Variants in APELA observed in about 807,000 individuals in gnomAD.
The protein encoded by APELA is protein Elabela.
chr4:164,886,998 T>C (rs576956998), intron 2 of APELA, among the ~76,000 whole-genome samples: 2 of 152,102 alleles, frequency 1.3e-5, no homozygotes, highest in South Asian at 4.1e-4. Flanking sequence ...GCTAATTTTT[T>C]TGTATTTTTA....
intron 1 of APELA, among the ~76,000 whole-genome samples, chr4:164,878,607 A>G (rs559045917): frequency 6.6e-6 from 1 of 152,340 alleles, no homozygotes; most frequent in Admixed American, 6.5e-5. Flanking sequence ...TTACTACATA[A>G]AATAAAAGGT....
chr4:164,898,111 G>A (rs892546464), downstream of APELA, among the ~76,000 whole-genome samples: 10 of 151,774 alleles, frequency 6.6e-5, 1 homozygote, highest in South Asian at 6.2e-4. Flanking sequence ...GGCCGGTCCC[G>A]AACTCCTGAC....
intron 2 of APELA, among the ~76,000 whole-genome samples, chr4:164,889,658 G>A (rs1022999859): frequency 1.3e-5 from 2 of 152,042 alleles, no homozygotes; most frequent in Non-Finnish European, 2.9e-5. Flanking sequence ...CCTATCAACC[G>A]TCACCTAGGC....
chr4:164,894,049 G>C (rs565261069), intron 2 of APELA, among the ~76,000 whole-genome samples: 1 of 152,040 alleles, frequency 6.6e-6, no homozygotes, highest in Non-Finnish European at 1.5e-5. Context: ...TTGGCCGGGC[G>C]TGGTGGCTCA....
At chr4:164,878,169 G>GAGAAAGAAAGAAAGAAAGAAACAGAAAAA (rs1560855955) in intron 1 of APELA, among the ~76,000 whole-genome samples, 2 of 83,528 alleles carry the variant, frequency 2.4e-5, no homozygotes, top group East Asian at 7.8e-4. Flanking sequence ...GAAAAGAAGA[G>GAGAAAGAAAGAAAGAAAGAAACAGAAAAA]AGAAAGAAAG....
chr4:164,880,865 A>C (rs1464250382), intron 2 of APELA, among the ~76,000 whole-genome samples: 2 of 152,238 alleles, frequency 1.3e-5, no homozygotes, highest in Non-Finnish European at 2.9e-5. Flanking sequence ...AATTAAAGCT[A>C]TGCAAACTAC....
At chr4:164,885,151 G>A (rs916244611) in intron 2 of APELA, among the ~76,000 whole-genome samples, 5 of 152,022 alleles carry the variant, frequency 3.3e-5, no homozygotes, top group African/African-American at 4.8e-5. Context: ...TTGTTTTTGA[G>A]ACAGAGTCTT....
chr4:164,893,625 T>G (rs534309142), intron 2 of APELA, among the ~76,000 whole-genome samples: 31 of 152,314 alleles, frequency 2.0e-4, no homozygotes, highest in African/African-American at 6.7e-4. Context: ...GTATATTCGC[T>G]TCAGCTCTCT....
rs1730964781 is a variant in APELA at position 164,895,847 on chromosome 4, T to C, written c.*433T>C. 2 of 152,260 alleles carry C rather than the reference T, an allele frequency of 1.3e-5. No homozygotes were observed. Among genetic ancestry groups the C allele is most frequent in the Non-Finnish European group, 2.9e-5 (2 of 68,042 alleles). The allele number at this position is 152,260 out of a possible 1,614,324, so 9.4% of individuals were successfully genotyped here. A position where few individuals can be genotyped will look rare whatever the true frequency, so the allele number is the denominator to read the frequency against. On this transcript the variant is annotated 3_prime_UTR_variant, in exon 3 of 3. Transcript: ENST00000507152. ...AAATTCGTATATGTTTGAGTGATTT[T>C]CTAAAAACTGCTCAACCTGAAATCA...
intron 2 of APELA, among the ~76,000 whole-genome samples, chr4:164,890,446 C>G (rs765519803): frequency 3.6e-4 from 55 of 152,198 alleles, no homozygotes; most frequent in Non-Finnish European, 1.2e-4. Context: ...AACCTACTTT[C>G]TGTCTCTATA....
At chr4:164,878,196 A>AG (rs1553970694) in intron 1 of APELA, among the ~76,000 whole-genome samples, 15 of 143,470 alleles carry the variant, frequency 1.0e-4, no homozygotes, top group African/African-American at 3.4e-4. Context: ...AGAAACAGAA[A>AG]AAAGAAAGAA....
At chr4:164,888,044 C>A (rs1330294931) in intron 2 of APELA, among the ~76,000 whole-genome samples, 4 of 152,170 alleles carry the variant, frequency 2.6e-5, no homozygotes, top group Non-Finnish European at 2.9e-5. Context: ...CCACTAAGTT[C>A]TCAGCCAACC....
At chr4:164,884,599 G>A (rs185444779) in intron 2 of APELA, among the ~76,000 whole-genome samples, 42 of 152,020 alleles carry the variant, frequency 2.8e-4, no homozygotes, top group African/African-American at 9.2e-4. Flanking sequence ...ACTGTGTTTG[G>A]ACCTACTAGA....
At chr4:164,891,446 G>A in intron 2 of APELA, among the ~76,000 whole-genome samples, 1 of 152,156 alleles carries the variant, frequency 6.6e-6, no homozygotes. Context: ...GAAATGGAAT[G>A]TATTTCTCTT....
chr4:164,878,945 G>A lies in APELA; in HGVS notation c.102G>A (p.Leu34=). ...RPVNLTMRRK[L]RKHNCLQRRC... is the part of the protein sequence containing the mutation. ...TTAATTTGACCATGAGAAGAAAACTGCGCAAACACAATTGCCTTCAGAGGA... is the reference window on the plus strand; with the variant it reads ...TTAATTTGACCATGAGAAGAAAACTACGCAAACACAATTGCCTTCAGAGGA... Residue 34 remains leucine, a synonymous_variant, in exon 2 of 3, where the codon CTG becomes CTA. Transcript: ENST00000507152. 1 of 398,926 alleles carries A rather than the reference G, an allele frequency of 2.5e-6. No homozygotes were observed. The highest frequency in any genetic ancestry group is 4.4e-6 in the Non-Finnish European group (1 of 226,020). 24.7% of individuals were successfully genotyped at this position (398,926 alleles called of 1,614,324 possible).
intron 2 of APELA, among the ~76,000 whole-genome samples, chr4:164,884,121 G>GAGAAAGAAAGAA (rs375419662): frequency 0.066 from 7,485 of 113,170 alleles, 271 homozygotes; most frequent in Admixed American, 0.099. Flanking sequence ...AAGAAAGAAA[G>GAGAAAGAAAGAA]AGAAAGAAAG....
At chr4:164,898,876 A>G (rs1422657998), downstream of APELA, 1 of 152,230 alleles carries the variant, frequency 6.6e-6, no homozygotes, top group East Asian at 1.9e-4. Context: ...GAGTGAGCAC[A>G]AAACTGAAGA....
At chr4:164,885,227 C>T (rs141296938) in intron 2 of APELA, among the ~76,000 whole-genome samples, 9 of 152,128 alleles carry the variant, frequency 5.9e-5, no homozygotes, top group Non-Finnish European at 7.4e-5. Context: ...GCCTTTTGGG[C>T]TCAAGCAATT....
intron 2 of APELA, among the ~76,000 whole-genome samples, chr4:164,891,335 T>A (rs1386744004): frequency 2.0e-5 from 3 of 152,226 alleles, no homozygotes; most frequent in Non-Finnish European, 4.4e-5. Context: ...TTTGTCAATT[T>A]CTGCAAAGAG....
Sources: allele counts gnomAD v4.1 joint callset (sites outside exome capture counted in the v4.1 genomes callset), GRCh38; gene constraint gnomAD v4.1.1; transcripts MANE v1.5; gene names NCBI Gene and HGNC (gene_info 2026-07-23, HGNC 2026-07-21).